Variants in ICE2 observed in about 807,000 individuals in gnomAD.
ICE2 encodes little elongation complex subunit 2.
Under a neutral mutation model 105.4 loss-of-function variants are expected in ICE2, and 87 were observed. The ratio of observed to expected loss-of-function variants is 0.83; its 90% CI spans 0.69 to 0.99. ICE2 has a LOEUF of 0.99. ICE2 is among the 50% of genes least tolerant of loss of function. ICE2 has a pLI of 0.00. For missense variants in ICE2, 1,323 were observed against 1,146.7 expected (o/e 1.15, Z -2.22); for synonymous variants, 399 against 392.0 (o/e 1.02, Z -0.21).
intron 13 of ICE2, among the ~76,000 whole-genome samples, chr15:60,435,360 G>A (rs1265107711): frequency 6.6e-6 from 1 of 152,146 alleles, no homozygotes; most frequent in African/African-American, 2.4e-5. Flanking sequence ...AGCACTTTGG[G>A]AGGCCGAGGC....
At chr15:60,448,798 GGAAAAAGA>G (rs781491338) in intron 10 of ICE2, 42 bp downstream of exon 10, 7 of 1,483,812 alleles carry the variant, frequency 4.7e-6, no homozygotes, top group Non-Finnish European at 6.3e-6. Flanking sequence ...AAAAACCTAA[GGAAAAAGA>G]ACAAGTAAAA....
chr15:60,476,127 G>T lies in ICE2; in HGVS notation c.82C>A (p.Arg28=), dbSNP rs747136100. 6.2e-7 allele frequency: 1 copy of T among 1,606,478 alleles called. No homozygotes were observed. The highest frequency in any genetic ancestry group is 1.7e-5 in the Admixed American group (1 of 58,116). ...PKNGLKTFFS[R]ENYKDHSMAP... Reference sequence around the variant, plus strand: ...ATGGAATGATCTTTATAATTTTCTCGAGAGAAAAATGTCTTAAGGCCATTT... The same window carrying T: ...ATGGAATGATCTTTATAATTTTCTCTAGAGAAAAATGTCTTAAGGCCATTT... Residue 28 remains arginine (R), a synonymous_variant, in exon 3 of 16, where the codon CGA becomes AGA. Transcript: ENST00000261520.
intron 12 of ICE2, chr15:60,438,011 A>C (rs1040926489): frequency 2.0e-5 from 3 of 152,198 alleles, no homozygotes; most frequent in Non-Finnish European, 4.4e-5. Flanking sequence ...AATTCCAAAA[A>C]ACAAAACAGC....
chr15:60,465,306 C>G (rs1026476408), intron 5 of ICE2, among the ~76,000 whole-genome samples: 1 of 152,120 alleles, frequency 6.6e-6, no homozygotes, highest in African/African-American at 2.4e-5. Flanking sequence ...ATCTTCCCAC[C>G]TAAGCCTCCC....
At chr15:60,433,139 C>G (rs1162971442) in intron 13 of ICE2, among the ~76,000 whole-genome samples, 1 of 151,208 alleles carries the variant, frequency 6.6e-6, no homozygotes, top group Non-Finnish European at 1.5e-5. Flanking sequence ...GGCTGGAGCG[C>G]CAGGCTGGAG....
At chr15:60,437,743 C>T (rs961340704) in intron 12 of ICE2, 2 of 152,026 alleles carry the variant, frequency 1.3e-5, no homozygotes, top group African/African-American at 2.4e-5. Flanking sequence ...CCTCCACCTC[C>T]GGGGTTCAAG....
At chr15:60,456,132 G>A (rs896766221) in intron 6 of ICE2, among the ~76,000 whole-genome samples, 8 of 151,922 alleles carry the variant, frequency 5.3e-5, no homozygotes, top group African/African-American at 1.9e-4. Flanking sequence ...GAACAAAGTA[G>A]TGACATTTTT....
At chr15:60,425,481 G>A (rs1180376165) in intron 15 of ICE2, among the ~76,000 whole-genome samples, 1 of 152,214 alleles carries the variant, frequency 6.6e-6, no homozygotes, top group Non-Finnish European at 1.5e-5. Flanking sequence ...AGGGATAAGT[G>A]TGAAGCTGCT....
intron 2 of ICE2, among the ~76,000 whole-genome samples, chr15:60,477,305 C>T (rs1455769865): frequency 6.6e-6 from 1 of 152,100 alleles, no homozygotes; most frequent in Admixed American, 6.6e-5. Flanking sequence ...GTGTTGTTAG[C>T]AATAAACAAA....
At chr15:60,474,215 T>C (rs999501603) in intron 3 of ICE2, among the ~76,000 whole-genome samples, 3 of 152,076 alleles carry the variant, frequency 2.0e-5, no homozygotes, top group Non-Finnish European at 4.4e-5. Context: ...GTCTCTTTAA[T>C]ACAACTTCTG....
At position 60,470,159 on chromosome 15, in the gene ICE2, G is replaced by A. The variant is rs543466801; in HGVS notation, c.147-1837C>T. ...CCAGGTACTGGAAATACAACACTAA[G>A]CATAGTACCATCTCCAACTCCAGGA... On this transcript the variant is annotated intron_variant, in intron 3 of 15. Coordinates refer to ENST00000261520, the MANE Select transcript of ICE2 (RefSeq NM_024611.6). 5.6e-5 allele frequency among the ~76,000 whole-genome samples: 6 copies of A among 106,320 alleles called. No homozygotes were observed. The East Asian group carries it at 2.6e-3, about 47-fold the overall frequency. 69.8% of individuals were successfully genotyped at this position (106,320 alleles called of 152,430 possible).
chr15:60,452,165 G>A, intron 9 of ICE2: 1 of 971,478 alleles, frequency 1.0e-6, no homozygotes, highest in Non-Finnish European at 1.2e-6. Flanking sequence ...AAATGTGTAA[G>A]AAGAAAACAT....
At chr15:60,447,681 G>A (rs939015790) in intron 11 of ICE2, 5 of 208,612 alleles carry the variant, frequency 2.4e-5, no homozygotes, top group Non-Finnish European at 3.8e-5. Context: ...ATACCATGCC[G>A]GAGCTTAAAA....
Position 60,449,319 on chromosome 15 carries a change from T to A in ICE2, c.1648A>T (p.Asn550Tyr), listed in dbSNP as rs1050283101. ...GATCCAACAGTCTTTTCCTTTGAGT[T>A]GTCTAGGTTTTCTAGAACATTAGGT... The part of the protein sequence containing the change: ...ERPNVLENLD[N>Y]SKEKTVGSEA... The change falls in exon 10 of 16, where the codon AAC becomes TAC. Residue 550 changes from asparagine (N) to tyrosine (Y), a missense_variant. Asn to Tyr is a moderately radical substitution (Grantham distance 143). Coordinates refer to ENST00000261520, the MANE Select transcript of ICE2 (RefSeq NM_024611.6). 3 of 1,613,182 alleles carry A rather than the reference T, an allele frequency of 1.9e-6. No individual in the cohort carries two copies. In the African/African-American group the frequency reaches 4.0e-5, roughly 22 times the overall value.
rs369954628 is a variant in ICE2 at position 60,428,583 on chromosome 15, T to C, written c.2666A>G (p.Tyr889Cys). 1.2e-5 allele frequency: 20 copies of C among 1,614,036 alleles called. No individual in the cohort carries two copies. The highest frequency in any genetic ancestry group is 1.7e-5 in the Non-Finnish European group (20 of 1,180,012). Residue 889 changes from tyrosine to cysteine, a missense_variant, in exon 15 of 16, where the codon TAT becomes TGT. Physicochemically the swap from Tyr to Cys is radical, Grantham distance 194. Transcript: ENST00000261520. ...ACCAGGAAGGCCGCAATGTGTTTTATACAAATTGTATGCTGTCCTAGTAAC... is the reference window on the plus strand; with the variant it reads ...ACCAGGAAGGCCGCAATGTGTTTTACACAAATTGTATGCTGTCCTAGTAAC... ...GKVTRTAYNLYKTHCGLPGVP... is the reference protein window; with the variant it reads ...GKVTRTAYNLCKTHCGLPGVP...
intron 3 of ICE2, among the ~76,000 whole-genome samples, chr15:60,469,038 A>T (rs2064508551): frequency 6.6e-6 from 1 of 152,202 alleles, no homozygotes; most frequent in Non-Finnish European, 1.5e-5. Flanking sequence ...GTGTTTATGG[A>T]ATGTGTGAAG....
intron 4 of ICE2, 120 bp from the exon 5 acceptor site, chr15:60,466,833 C>A: frequency 1.2e-6 from 1 of 826,034 alleles, no homozygotes; most frequent in Non-Finnish European, 1.8e-6. Context: ...AAATCCAAAG[C>A]AGAAATCAAA....
intron 3 of ICE2, among the ~76,000 whole-genome samples, chr15:60,472,309 CA>C (rs1358645351): frequency 1.3e-5 from 2 of 151,846 alleles, no homozygotes; most frequent in Non-Finnish European, 2.9e-5. Flanking sequence ...TTGAAATTAA[CA>C]GAATAAAAGG....
In ICE2 at chr15:60,479,013, G is replaced by A; in HGVS notation, c.-103C>T. 2 of 455,916 alleles carry A rather than the reference G, an allele frequency of 4.4e-6. No homozygotes were observed. The highest frequency in any genetic ancestry group is 8.8e-6 in the Non-Finnish European group (2 of 226,728). The allele number at this position is 455,916 out of a possible 1,614,324, so 28.2% of individuals were successfully genotyped here. A position where few individuals can be genotyped will look rare whatever the true frequency, so the allele number is the denominator to read the frequency against. On this transcript the variant is annotated 5_prime_UTR_variant, in exon 1 of 16. Transcript: ENST00000261520. ...AGCCTTTCCGCCCACCTCATGGTCC[G>A]CGGCGGCTCTTGCCCAGGCCGCAGC...
Sources: allele counts gnomAD v4.1 joint callset (sites outside exome capture counted in the v4.1 genomes callset), GRCh38; gene constraint gnomAD v4.1.1; transcripts MANE v1.5; gene names NCBI Gene and HGNC (gene_info 2026-07-23, HGNC 2026-07-21).